CEP135: variants seen among roughly 807,000 people sequenced by gnomAD.
CEP135 encodes centrosomal protein 135, also known as centrosomal protein of 135 kDa.
In CEP135, 142 loss-of-function variants were observed where a neutral mutation model predicts 157.3. The observed-to-expected ratio is 0.90, with a 90% CI of 0.79 to 1.04. The LOEUF is 1.04. Ranked by LOEUF, CEP135 falls within the 50% of genes least tolerant of loss-of-function variation. CEP135 has a pLI of 0.00. For synonymous variants in CEP135, 396 were observed against 439.8 expected, an observed-to-expected ratio of 0.90 and a Z score of 1.25; for missense variants, 1,317 against 1,309.2, an observed-to-expected ratio of 1.01 and a Z score of -0.09.
intron 25 of CEP135, among the ~76,000 whole-genome samples, chr4:56,028,309 G>T (rs182885520): frequency 6.6e-6 from 1 of 152,076 alleles, no homozygotes; most frequent in African/African-American, 2.4e-5. Context: ...TGTTTTCCAC[G>T]TGCTGCACCA....
In CEP135 at chr4:56,009,727, T is replaced by A; in HGVS notation, c.2337-8T>A. 1 of 1,594,350 alleles carries A rather than the reference T, an allele frequency of 6.3e-7. No individual in the cohort carries two copies. Among genetic ancestry groups the A allele is most frequent in the African/African-American group, 1.4e-5 (1 of 73,638 alleles). ...TTCTTTATTAGTTTCACATCACTCA[T>A]TTAACAGCCAGCTGAAAGAAACATT... On this transcript the variant is annotated splice_region_variant and splice_polypyrimidine_tract_variant and intron_variant, in intron 18 of 25. Transcript: ENST00000257287.
intron 11 of CEP135, among the ~76,000 whole-genome samples, chr4:55,976,790 C>T (rs929290777): frequency 1.3e-5 from 2 of 151,994 alleles, no homozygotes; most frequent in Admixed American, 6.6e-5. Context: ...AGTGCATTCC[C>T]CACCTAAAAT....
intron 18 of CEP135, among the ~76,000 whole-genome samples, chr4:56,009,444 G>A (rs1441832284): frequency 6.6e-6 from 1 of 152,194 alleles, no homozygotes; most frequent in Admixed American, 6.5e-5. Context: ...TTACAGGCGT[G>A]AGCCACCGCG....
At chr4:56,003,014 G>C (rs1577900478) in intron 17 of CEP135, among the ~76,000 whole-genome samples, 3 of 152,110 alleles carry the variant, frequency 2.0e-5, no homozygotes, top group African/African-American at 7.2e-5. Context: ...GTTGACATGT[G>C]ATTGTAATTG....
chr4:55,951,519 A>G (rs1728361792), intron 1 of CEP135, among the ~76,000 whole-genome samples: 3 of 152,208 alleles, frequency 2.0e-5, no homozygotes, highest in Non-Finnish European at 4.4e-5. Flanking sequence ...ATTCCCATTC[A>G]GACACCTATG....
Position 55,971,286 on chromosome 4 carries a change from A to C in CEP135, c.1127A>C (p.Gln376Pro). The change falls in exon 10 of 26, where the codon CAG becomes CCG. Residue 376 changes from glutamine (Q) to proline (P), a missense_variant. Gln to Pro is a moderately conservative substitution (Grantham distance 76, BLOSUM62 -1). Transcript: ENST00000257287. ...AATTTGCAGGAATTGAACTTATGCCAGAAAGAAAAGGAGAGACTGAGTGAT... is the reference window on the plus strand; with the variant it reads ...AATTTGCAGGAATTGAACTTATGCCCGAAAGAAAAGGAGAGACTGAGTGAT... ...AKLQLELNLCQKEKERLSDEL... is the reference protein window; with the variant it reads ...AKLQLELNLCPKEKERLSDEL... 1 of 1,583,828 alleles carries C rather than the reference A, an allele frequency of 6.3e-7. No individual in the cohort carries two copies. The highest frequency in any genetic ancestry group is 8.5e-7 in the Non-Finnish European group (1 of 1,170,338).
intron 13 of CEP135, among the ~76,000 whole-genome samples, chr4:55,984,821 GC>G (rs1379458884): frequency 1.3e-5 from 2 of 152,140 alleles, no homozygotes; most frequent in African/African-American, 2.4e-5. Flanking sequence ...CTGTTGACCA[GC>G]CCCTTATTGA....
At chr4:55,954,466 G>T (rs1305486726) in intron 4 of CEP135, 83 bp downstream of exon 4, 13 of 1,236,522 alleles carry the variant, frequency 1.1e-5, no homozygotes, top group Non-Finnish European at 7.7e-6. Context: ...TAGGACTTTG[G>T]ATTGGATTTT....
intron 5 of CEP135, 93 bp downstream of exon 5, chr4:55,957,457 T>C: frequency 8.5e-7 from 1 of 1,174,178 alleles, no homozygotes; most frequent in East Asian, 2.5e-5. Context: ...TTGTTAACTG[T>C]TGTGTCTCCA....
rs530310509 is a variant in CEP135 at position 56,001,977 on chromosome 4, T to C, written c.2280+2332T>C. ...AGATCTTGCATATATTTGGTTAAAT[T>C]GATTCCTGGGTGTTTTCTATTCTTT... On this transcript the variant is annotated intron_variant, in intron 17 of 25. Transcript: ENST00000257287. 2.0e-5 allele frequency among the ~76,000 whole-genome samples: 3 copies of C among 152,216 alleles called. No individual in the cohort carries two copies. In the South Asian group the frequency reaches 6.2e-4, roughly 32 times the overall value.
In CEP135 at chr4:55,954,246, G is replaced by T; in HGVS notation, c.335G>T (p.Arg112Leu). Residue 112 changes from arginine to leucine, a missense_variant, in exon 4 of 26, where the codon CGT (arginine) becomes CTT (leucine). Arg to Leu is a moderately radical substitution (Grantham distance 102). Transcript: ENST00000257287. ...ELKTSLKKCA[R>L]ETADLKFLNN... ...AAAACTTCATTGAAGAAATGTGCAC[G>T]TGAAACAGCTGATCTGAAATTTCTG... 2 of 1,600,440 alleles carry T rather than the reference G, an allele frequency of 1.2e-6. No individual in the cohort carries two copies. The highest frequency in any genetic ancestry group is 1.7e-6 in the Non-Finnish European group (2 of 1,174,316).
intron 23 of CEP135, among the ~76,000 whole-genome samples, chr4:56,020,423 T>C (rs1161709230): frequency 6.6e-6 from 1 of 152,216 alleles, no homozygotes; most frequent in Non-Finnish European, 1.5e-5. Context: ...CTTTACATCT[T>C]GGTGTTACCA....
rs1490770681 is a variant in CEP135, at chr4:55,999,331, TTGA to T, written c.2043_2045del (p.Asp682del). Reference sequence around the variant, plus strand: ...GTGAATGAGCAGCTACAGCGGTCAGTTGATGACTATCAGCACCGACTTTCCATA... The same window carrying T: ...GTGAATGAGCAGCTACAGCGGTCAGTTGACTATCAGCACCGACTTTCCATA... On this transcript the variant is annotated inframe_deletion, in exon 16 of 26. Transcript: ENST00000257287. 6.2e-7 allele frequency: 1 copy of T among 1,614,178 alleles called. No individual in the cohort carries two copies. The highest frequency in any genetic ancestry group is 8.5e-7 in the Non-Finnish European group (1 of 1,180,010).
At chr4:55,983,867 G>T (rs1729491322) in intron 13 of CEP135, among the ~76,000 whole-genome samples, 2 of 152,116 alleles carry the variant, frequency 1.3e-5, no homozygotes, top group South Asian at 4.1e-4. Flanking sequence ...ATGTCTCCGA[G>T]TTACAGTGAG....
chr4:56,024,417 G>T, intron 24 of CEP135, 84 bp from the exon 25 acceptor site: 2 of 857,268 alleles, frequency 2.3e-6, no homozygotes, highest in Non-Finnish European at 3.8e-6. Context: ...TTACAAATTA[G>T]CTAATAACTC....
chr4:55,996,257 A>G (rs1169976890), intron 15 of CEP135, among the ~76,000 whole-genome samples: 1 of 152,078 alleles, frequency 6.6e-6, no homozygotes, highest in Non-Finnish European at 1.5e-5. Context: ...AGTAGCTGGG[A>G]CTATAGGCAT....
At chr4:55,964,428 TG>T in intron 7 of CEP135, 26 bp downstream of exon 7, 1 of 1,552,926 alleles carries the variant, frequency 6.4e-7, no homozygotes, top group Non-Finnish European at 8.8e-7. Context: ...ATTATTTCAC[TG>T]AGTGTATATA....
intron 23 of CEP135, 23 bp downstream of exon 23, chr4:56,019,578 T>C (rs760457903): frequency 7.7e-6 from 12 of 1,567,712 alleles, no homozygotes; most frequent in South Asian, 5.7e-5. Flanking sequence ...AGTCAACTTA[T>C]GCAAAGACAA....
In CEP135 at chr4:55,984,469, G is replaced by A. The variant is rs1729510455; in HGVS notation, c.1780-812G>A. The stretch of plus-strand genomic sequence containing the variant: ...GATTTTATTTTGAGCTCTTATTTAG[G>A]TTTTGTCTTTTCTACTAAGCTACAG... On this transcript the variant is annotated intron_variant, in intron 13 of 25. Transcript: ENST00000257287. 2.0e-5 allele frequency among the ~76,000 whole-genome samples: 3 copies of A among 152,178 alleles called. No individual in the cohort carries two copies. In the South Asian group the frequency reaches 6.2e-4, roughly 32 times the overall value.
Sources: allele counts gnomAD v4.1 joint callset (sites outside exome capture counted in the v4.1 genomes callset), GRCh38; gene constraint gnomAD v4.1.1; transcripts MANE v1.5; gene names NCBI Gene and HGNC (gene_info 2026-07-23, HGNC 2026-07-21).